The following TFB1M variants were observed in gnomAD, a reference collection of about 807,000 sequenced individuals.
TFB1M encodes dimethyladenosine transferase 1, mitochondrial.
Under a neutral mutation model 31.1 loss-of-function variants are expected in TFB1M, and 27 were observed. The ratio of observed to expected loss-of-function variants is 0.87; its 90% CI spans 0.64 to 1.20. The LOEUF is 1.20. TFB1M is among the 50% of genes most tolerant of loss of function. TFB1M has a pLI of 0.00. For missense variants in TFB1M, 394 were observed against 418.7 expected (o/e 0.94, Z 0.51); for synonymous variants, 166 against 151.8 (o/e 1.09, Z -0.69).
At chr6:155,284,763 A>T (rs1776544138) in intron 5 of TFB1M, among the ~76,000 whole-genome samples, 1 of 152,250 alleles carries the variant, frequency 6.6e-6, no homozygotes, top group African/African-American at 2.4e-5. Context: ...AAAAGTGTTA[A>T]GTAAATAATG....
chr6:155,257,784 C>G lies in TFB1M; in HGVS notation c.*52G>C. On this transcript the variant is annotated 3_prime_UTR_variant, in exon 7 of 7. Transcript: ENST00000367166. ...GACAAAAGAGTACCTATATAAGAAG[C>G]TCCACGTAGTGCAAATCGACATCTG... 6.2e-7 allele frequency: 1 copy of G among 1,610,892 alleles called. No homozygotes were observed. Among genetic ancestry groups the G allele is most frequent in the Non-Finnish European group, 8.5e-7 (1 of 1,178,430 alleles).
chr6:155,295,140 G>A (rs567387689), intron 4 of TFB1M, among the ~76,000 whole-genome samples: 2 of 152,334 alleles, frequency 1.3e-5, no homozygotes, highest in African/African-American at 4.8e-5. Context: ...GCTGAGGCGG[G>A]TGGATCACGA....
At chr6:155,264,811 G>A (rs1480870929) in intron 5 of TFB1M, among the ~76,000 whole-genome samples, 3 of 152,094 alleles carry the variant, frequency 2.0e-5, no homozygotes, top group Non-Finnish European at 2.9e-5. Context: ...TTTTTTTACT[G>A]TGTAAATTAT....
At chr6:155,255,100 A>G (rs1273203895), downstream of TFB1M, 1 of 153,664 alleles carries the variant, frequency 6.5e-6, no homozygotes, top group Non-Finnish European at 1.5e-5. Flanking sequence ...GATACTCAAC[A>G]CTTAATTATA....
Position 155,256,894 on chromosome 6 carries a change from C to G in TFB1M, c.*942G>C. 6.2e-7 allele frequency: 1 copy of G among 1,614,220 alleles called. No individual in the cohort carries two copies. The highest frequency in any genetic ancestry group is 8.5e-7 in the Non-Finnish European group (1 of 1,180,044). Reference sequence around the variant, plus strand: ...TCAGAAAGGAGGAGAGCAGCCCAAACTGGTCCGGGGGCACTTCTGCCCCAT... The same window carrying G: ...TCAGAAAGGAGGAGAGCAGCCCAAAGTGGTCCGGGGGCACTTCTGCCCCAT... On this transcript the variant is annotated 3_prime_UTR_variant, in exon 7 of 7. Transcript: ENST00000367166.
chr6:155,314,252 C>T (rs1429012873), intron 1 of TFB1M, 44 bp downstream of exon 1: 2 of 1,608,658 alleles, frequency 1.2e-6, no homozygotes, highest in South Asian at 1.1e-5. Context: ...CACGCCCCCA[C>T]GGACACTGGG....
At chr6:155,305,537 T>A (rs1236879025) in intron 2 of TFB1M, among the ~76,000 whole-genome samples, 5 of 54,528 alleles carry the variant, frequency 9.2e-5, no homozygotes, top group Non-Finnish European at 1.2e-4. Context: ...AATTATATAT[T>A]TATATATATA....
At chr6:155,278,588 A>G (rs973886572) in intron 5 of TFB1M, among the ~76,000 whole-genome samples, 13 of 152,158 alleles carry the variant, frequency 8.5e-5, no homozygotes, top group African/African-American at 3.1e-4. Flanking sequence ...TAACAACTCT[A>G]CCAGGTAGGC....
At chr6:155,254,742 T>TA (rs1420886680), downstream of TFB1M, 6 of 778,376 alleles carry the variant, frequency 7.7e-6, no homozygotes, top group African/African-American at 1.0e-4. Flanking sequence ...CGTTCTACTG[T>TA]AAAATACAGC....
At chr6:155,243,271 C>T in the TFB1M span, among the ~76,000 whole-genome samples, 1 of 152,130 alleles carries the variant, frequency 6.6e-6, no homozygotes, top group African/African-American at 2.4e-5. Flanking sequence ...CAGAACTTGA[C>T]CCTCCCAGCT....
At chr6:155,245,373 C>A in the TFB1M span, among the ~76,000 whole-genome samples, 1 of 152,140 alleles carries the variant, frequency 6.6e-6, no homozygotes, top group Non-Finnish European at 1.5e-5. Context: ...GTAGAACTTT[C>A]TTTGTTTCTT....
chr6:155,257,725 C>T lies in TFB1M; in HGVS notation c.*111G>A. ...ATAGTAAAAGGAAAATAAGTCACAT[C>T]TGGTCATTGGCATTTGTATCGTCAT... On this transcript the variant is annotated 3_prime_UTR_variant, in exon 7 of 7. Transcript: ENST00000367166. 1.5e-6 allele frequency: 2 copies of T among 1,315,864 alleles called. No homozygotes were observed. The highest frequency in any genetic ancestry group is 2.3e-5 in the East Asian group (1 of 43,436). 81.5% of individuals were successfully genotyped at this position (1,315,864 alleles called of 1,614,324 possible). A position where few individuals can be genotyped will look rare whatever the true frequency, so the allele number is the denominator to read the frequency against.
intron 4 of TFB1M, among the ~76,000 whole-genome samples, chr6:155,289,737 G>C (rs1047063440): frequency 1.1e-4 from 16 of 152,184 alleles, no homozygotes; most frequent in African/African-American, 3.9e-4. Context: ...TATATGAAAT[G>C]GTGCGAATTA....
downstream of TFB1M, chr6:155,252,010 C>CAA: frequency 1.3e-6 from 2 of 1,597,690 alleles, no homozygotes; most frequent in Non-Finnish European, 1.7e-6. Context: ...ATTGGTAAGG[C>CAA]AAAAATTCAT....
In TFB1M at chr6:155,298,557, A is replaced by C; in HGVS notation, c.314T>G (p.Leu105Arg). 4.3e-6 allele frequency: 7 copies of C among 1,612,514 alleles called. No individual in the cohort carries two copies. Among genetic ancestry groups the C allele is most frequent in the Non-Finnish European group, 5.9e-6 (7 of 1,178,724 alleles). The change falls in exon 3 of 7, where the codon CTG (leucine) becomes CGG (arginine). Residue 105 changes from leucine (L) to arginine (R), a missense_variant. Leu to Arg is a moderately radical substitution (Grantham distance 102). Coordinates refer to ENST00000367166, the MANE Select transcript of TFB1M (RefSeq NM_016020.4). ...CAAGACATCTCCATGAACAATTCTC[A>C]GTTTCCCAGGTGCTGCATCAGAAAG... is the stretch of plus-strand genomic sequence containing the variant. ...QMLSDAAPGK[L>R]RIVHGDVLTF...
chr6:155,290,124 C>T lies in TFB1M; in HGVS notation c.547-4847G>A, dbSNP rs191667194. 5.3e-5 allele frequency among the ~76,000 whole-genome samples: 8 copies of T among 152,264 alleles called. No individual in the cohort carries two copies. In the East Asian group the frequency reaches 1.4e-3, roughly 26 times the overall value. On this transcript the variant is annotated intron_variant, in intron 4 of 6. Transcript: ENST00000367166. ...CATAGGGGCTGGGCGTGGTGGCTCA[C>T]GCCTGTAATCCCAGCACTTTAGGAG...
At chr6:155,254,291 C>T (rs559778133), downstream of TFB1M, 3 of 1,278,490 alleles carry the variant, frequency 2.3e-6, no homozygotes, top group South Asian at 2.8e-5. Flanking sequence ...CCACATGGCA[C>T]TGCTGCTGGG....
At chr6:155,298,386 A>G (rs755375625) in intron 3 of TFB1M, 91 bp downstream of exon 3, 1 of 734,470 alleles carries the variant, frequency 1.4e-6, no homozygotes, top group South Asian at 1.5e-5. Flanking sequence ...ATAAACATAT[A>G]AGACATTTGT....
chr6:155,296,907 G>A, intron 4 of TFB1M, 46 bp downstream of exon 4: 1 of 1,560,514 alleles, frequency 6.4e-7, no homozygotes, highest in Non-Finnish European at 8.8e-7. Context: ...ATTTTGCTTT[G>A]GAATTTGAAC....
Sources: gnomAD v4.1 joint callset for allele counts (sites outside exome capture counted in the v4.1 genomes callset) on GRCh38, gnomAD v4.1.1 for gene constraint, MANE v1.5 for transcripts, NCBI Gene and HGNC (gene_info 2026-07-23, HGNC 2026-07-21) for gene names.